Variants in LTBP2 observed in about 807,000 individuals in gnomAD.
LTBP2 encodes the protein latent-transforming growth factor beta-binding protein 2.
A neutral mutation model predicts 210.6 loss-of-function variants in LTBP2; 103 were observed. That is an observed-to-expected ratio of 0.49 (90% confidence interval 0.42 to 0.58). The LOEUF is 0.58. Among genes scored for constraint, LTBP2 ranks in the 20% least tolerant of loss-of-function variants. The pLI is 0.00. For missense variants in LTBP2, 2,313 were observed against 2,494.5 expected, an observed-to-expected ratio of 0.93 and a Z score of 1.55; for synonymous variants, 1,007 against 1,015.0, an observed-to-expected ratio of 0.99 and a Z score of 0.15.
At chr14:74,536,555 G>A (rs2087424490) in intron 8 of LTBP2, among the ~76,000 whole-genome samples, 1 of 152,174 alleles carries the variant, frequency 6.6e-6, no homozygotes, top group African/African-American at 2.4e-5. Context: ...CAGAACAACA[G>A]TTGTGTACCA....
At chr14:74,552,474 C>T in intron 5 of LTBP2, 81 bp from the exon 6 acceptor site, 1 of 1,351,454 alleles carries the variant, frequency 7.4e-7, no homozygotes, top group South Asian at 1.2e-5. Flanking sequence ...CACAGAGAAA[C>T]AGGCGGCAGA....
At chr14:74,609,051 G>C (rs1239469455) in intron 1 of LTBP2, among the ~76,000 whole-genome samples, 1 of 152,230 alleles carries the variant, frequency 6.6e-6, no homozygotes, top group Non-Finnish European at 1.5e-5. Flanking sequence ...GCAGTTCCAA[G>C]ATTCACCAGG....
intron 1 of LTBP2, among the ~76,000 whole-genome samples, chr14:74,606,924 G>A (rs912212645): frequency 6.6e-6 from 1 of 151,750 alleles, no homozygotes; most frequent in Non-Finnish European, 1.5e-5. Context: ...TGCATCTGCT[G>A]TGATCACTTA....
intron 1 of LTBP2, among the ~76,000 whole-genome samples, chr14:74,604,160 T>A (rs1326402353): frequency 4.6e-5 from 2 of 43,032 alleles, no homozygotes; most frequent in African/African-American, 1.2e-4. Flanking sequence ...ACATTGCCTC[T>A]CACCAAAAAA....
Position 74,504,358 on chromosome 14 carries a change from C to T in LTBP2, c.4454-304G>A, listed in dbSNP as rs114859557. 3.5e-3 allele frequency among the ~76,000 whole-genome samples: 539 copies of T among 152,336 alleles called. 7 individuals are homozygous for T. The highest frequency in any genetic ancestry group is 0.012 in the African/African-American group (512 of 41,580). On this transcript the variant is annotated intron_variant, in intron 30 of 35. Transcript: ENST00000261978. ...CAAGACTAGCTTCAGGACTAGGGTG[C>T]TGAGGGGCGCAGTACCTGGACCATC...
chr14:74,539,636 G>A (rs1026812979), intron 8 of LTBP2, among the ~76,000 whole-genome samples: 3 of 152,124 alleles, frequency 2.0e-5, no homozygotes, highest in Admixed American at 6.5e-5. Flanking sequence ...AGCCTGGGAG[G>A]TCAGGGCTGC....
intron 1 of LTBP2, among the ~76,000 whole-genome samples, chr14:74,609,009 CGAAT>C (rs1393612527): frequency 2.6e-5 from 4 of 152,158 alleles, no homozygotes; most frequent in East Asian, 1.9e-4. Context: ...AAATATTTGT[CGAAT>C]GAATGAAGAA....
chr14:74,525,269 C>T, intron 14 of LTBP2, 44 bp from the exon 15 acceptor site: 1 of 1,123,782 alleles, frequency 8.9e-7, no homozygotes, highest in Non-Finnish European at 1.2e-6. Flanking sequence ...GGCCCCTTGG[C>T]TGGCCATGGC....
intron 12 of LTBP2, among the ~76,000 whole-genome samples, chr14:74,527,871 C>G (rs948751338): frequency 2.0e-5 from 3 of 152,238 alleles, no homozygotes; most frequent in Non-Finnish European, 2.9e-5. Flanking sequence ...GTCCTCACTC[C>G]CCTGTCTATT....
intron 8 of LTBP2, among the ~76,000 whole-genome samples, chr14:74,547,237 T>C (rs570536943): frequency 8.5e-5 from 13 of 152,200 alleles, no homozygotes; most frequent in Non-Finnish European, 1.9e-4. Flanking sequence ...CACTGTCAGA[T>C]TGGCTTAGTG....
At chr14:74,556,333 C>T (rs2087728563) in intron 3 of LTBP2, among the ~76,000 whole-genome samples, 1 of 152,230 alleles carries the variant, frequency 6.6e-6, no homozygotes, top group African/African-American at 2.4e-5. Context: ...TGATTTTACA[C>T]TATTGTCATC....
chr14:74,515,495 G>A (rs2139702606), intron 18 of LTBP2, among the ~76,000 whole-genome samples: 1 of 152,246 alleles, frequency 6.6e-6, no homozygotes, highest in Admixed American at 6.5e-5. Context: ...GATCTCCAGT[G>A]ACCCACCTGC....
chr14:74,535,968 A>C lies in LTBP2; in HGVS notation c.1822T>G (p.Cys608Gly). ...SPVIENGQLE[C>G]PQGYKRLNLT... ...TTCAGTCTCTTGTACCCCTGAGGAC[A>C]CTCCAGCTGGCCATTCTCAATCACC... Residue 608 changes from cysteine (C) to glycine (G), a missense_variant, in exon 9 of 36, where the codon TGT becomes GGT. Physicochemically the swap from Cys to Gly is radical, Grantham distance 159 (BLOSUM62 -3). Transcript: ENST00000261978. The C allele has an allele frequency of 6.2e-7, 1 of 1,613,914 alleles. No individual in the cohort carries two copies.
intron 3 of LTBP2, among the ~76,000 whole-genome samples, chr14:74,573,020 C>G (rs1231111339): frequency 6.6e-6 from 1 of 152,192 alleles, no homozygotes; most frequent in Non-Finnish European, 1.5e-5. Context: ...GTGCTGGAAA[C>G]TGTATACATT....
chr14:74,604,697 G>A (rs934416718), intron 1 of LTBP2, among the ~76,000 whole-genome samples: 9 of 151,946 alleles, frequency 5.9e-5, no homozygotes, highest in African/African-American at 1.5e-4. Context: ...CACCATGTTG[G>A]CCAGGGTGGT....
intron 14 of LTBP2, among the ~76,000 whole-genome samples, chr14:74,525,808 T>C (rs2087264592): frequency 6.6e-6 from 1 of 152,216 alleles, no homozygotes; most frequent in South Asian, 2.1e-4. Flanking sequence ...TGTTCTGATT[T>C]ATGTGCTAAG....
intron 1 of LTBP2, 73 bp from the exon 2 acceptor site, chr14:74,603,778 T>C (rs952864788): frequency 7.9e-7 from 1 of 1,264,248 alleles, no homozygotes; most frequent in Non-Finnish European, 1.2e-6. Context: ...CCTCCGACAG[T>C]CCCACCTTCT....
In LTBP2 at chr14:74,586,575, A is replaced by G. The variant is rs2088208229; in HGVS notation, c.566-457T>C. On this transcript the variant is annotated intron_variant, in intron 2 of 35. Transcript: ENST00000261978. The surrounding 1 kb of genome is among the most constrained non-coding windows in gnomAD (Gnocchi z 4.6). Reference sequence around the variant, plus strand: ...CAGTCTCTTTTGCGGGAAAGGGCCCAACACTGGCCTGAAATTCAAGCGGTT... The same window carrying G: ...CAGTCTCTTTTGCGGGAAAGGGCCCGACACTGGCCTGAAATTCAAGCGGTT... Among the ~76,000 whole-genome samples, 1 of 152,150 alleles carries G rather than the reference A, an allele frequency of 6.6e-6. No homozygotes were observed. Among genetic ancestry groups the G allele is most frequent in the South Asian group, 2.1e-4 (1 of 4,826 alleles).
At position 74,549,871 on chromosome 14, in the gene LTBP2, G is replaced by A. The variant is rs753863945; in HGVS notation, c.1781C>T (p.Pro594Leu). 5.0e-6 allele frequency: 8 copies of A among 1,613,680 alleles called. No individual in the cohort carries two copies. Among genetic ancestry groups the A allele is most frequent in the Middle Eastern group, 3.3e-4 (2 of 6,082 alleles). Residue 594 changes from proline to leucine, a missense_variant, in exon 8 of 36, where the codon CCC (proline) becomes CTC (leucine). Physicochemically the swap from Pro to Leu is moderately conservative, Grantham distance 98. This residue lies in a region of LTBP2 where 1,867 missense variants were observed against 1,976.9 expected (regional missense o/e 0.94). Coordinates refer to ENST00000261978, the MANE Select transcript of LTBP2 (RefSeq NM_000428.3). ...WGVTLCAPCPPRPASPVIENG... is the reference protein window; with the variant it reads ...WGVTLCAPCPLRPASPVIENG... ...TGGACTCCAGCACTCACCTGGTCTG[G>A]GTGGGCATGGGGCACACAAAGTCAC...
Sources: gnomAD v4.1 joint callset for allele counts (sites outside exome capture counted in the v4.1 genomes callset) on GRCh38, gnomAD v4.1.1 for gene constraint, gnomAD v4.1.1 regional missense constraint, Gnocchi (gnomAD v3.1) non-coding constraint, MANE v1.5 for transcripts, NCBI Gene and HGNC (gene_info 2026-07-23, HGNC 2026-07-21) for gene names.